Variants in RANBP2 observed in about 807,000 individuals in gnomAD.
RANBP2 encodes RAN binding protein 2.
Under a neutral mutation model 303.6 loss-of-function variants are expected in RANBP2, and 57 were observed. That is an observed-to-expected ratio of 0.19 (90% CI 0.15 to 0.23). RANBP2 has a LOEUF of 0.23. Ranked by LOEUF, RANBP2 falls within the 10% of genes least tolerant of loss-of-function variation. The probability of loss-of-function intolerance (pLI) is 1.00; values close to 1 mark genes in which losing one functional copy is unlikely to be tolerated. For missense variants in RANBP2, 3,138 were observed against 3,780.8 expected, an observed-to-expected ratio of 0.83 and a Z score of 4.46; for synonymous variants, 1,167 against 1,301.5, an observed-to-expected ratio of 0.90 and a Z score of 2.23.
chr2:109,392,063 G>T, the RANBP2 span, among the ~76,000 whole-genome samples: 1 of 152,126 alleles, frequency 6.6e-6, no homozygotes, highest in Non-Finnish European at 1.5e-5. Flanking sequence ...CAGTCAGCCT[G>T]CCTCGGCCTC....
chr2:109,400,889 GT>G, the RANBP2 span, among the ~76,000 whole-genome samples: 1 of 152,238 alleles, frequency 6.6e-6, no homozygotes, highest in Non-Finnish European at 1.5e-5. Context: ...GGGGCTGCTA[GT>G]GCATTTTCTG....
chr2:108,856,892 T>C, the RANBP2 span: 14 of 1,613,294 alleles, frequency 8.7e-6, no homozygotes, highest in Non-Finnish European at 1.1e-5. Context: ...TCCAGTAATA[T>C]TAAGTCATCT....
the RANBP2 span, among the ~76,000 whole-genome samples, chr2:109,237,413 G>A: frequency 6.6e-6 from 1 of 152,178 alleles, no homozygotes; most frequent in African/African-American, 2.4e-5. Context: ...GTCTTAACAA[G>A]TCTATGGAGA....
the RANBP2 span, among the ~76,000 whole-genome samples, chr2:108,977,128 C>A: frequency 6.6e-6 from 1 of 152,156 alleles, no homozygotes; most frequent in Admixed American, 6.5e-5. Flanking sequence ...GTGGCCCCCA[C>A]TGGCCCGGGC....
In RANBP2 at chr2:108,748,995, G is replaced by A. The variant is rs775309139; in HGVS notation, c.1139G>A (p.Ser380Asn). The change falls in exon 9 of 29, where the codon AGC becomes AAC. Residue 380 changes from serine (S) to asparagine (N), a missense_variant. This residue lies in a region of RANBP2 where 95 missense variants were observed against 86.4 expected (regional missense o/e 1.10). Transcript: ENST00000283195. The part of the protein sequence containing the change: ...KEIVETFANK[S>N]GQSALYDALF... Reference sequence around the variant, plus strand: ...ATTGTTGAAACTTTTGCCAACAAAAGCGGGCAGTCTGCATTATATGATGCT... The same window carrying A: ...ATTGTTGAAACTTTTGCCAACAAAAACGGGCAGTCTGCATTATATGATGCT... 1 of 1,611,924 alleles carries A rather than the reference G, an allele frequency of 6.2e-7. No homozygotes were observed. The highest frequency in any genetic ancestry group is 8.5e-7 in the Non-Finnish European group (1 of 1,179,838).
chr2:109,292,143 G>T, the RANBP2 span, among the ~76,000 whole-genome samples: 1 of 152,208 alleles, frequency 6.6e-6, no homozygotes, highest in African/African-American at 2.4e-5. Flanking sequence ...GATTACAGGC[G>T]TGAGCTACCG....
At position 108,777,248 on chromosome 2, in the gene RANBP2, A is replaced by G. The variant is rs764632519; in HGVS notation, c.8599+17A>G. On this transcript the variant is annotated intron_variant, in intron 25 of 28. Coordinates refer to ENST00000283195, the MANE Select transcript of RANBP2 (RefSeq NM_006267.5). Reference sequence around the variant, plus strand: ...GTTCTAAAGGTAAGATCAAGAGGAGAGACTTTTAATGACATTGTTACAGAA... The same window carrying G: ...GTTCTAAAGGTAAGATCAAGAGGAGGGACTTTTAATGACATTGTTACAGAA... 2 of 1,601,208 alleles carry G rather than the reference A, an allele frequency of 1.2e-6. No individual in the cohort carries two copies. The highest frequency in any genetic ancestry group is 1.7e-6 in the Non-Finnish European group (2 of 1,168,718).
chr2:109,578,874 A>G, the RANBP2 span, among the ~76,000 whole-genome samples: 1 of 152,232 alleles, frequency 6.6e-6, no homozygotes. Flanking sequence ...TACTAAATGC[A>G]TAAGGCTGAA....
At chr2:108,798,513 G>A in the RANBP2 span, 3 of 1,613,746 alleles carry the variant, frequency 1.9e-6, no homozygotes. Flanking sequence ...CTGCTTTTCA[G>A]ACATGAAAAT....
the RANBP2 span, among the ~76,000 whole-genome samples, chr2:109,701,220 G>A: frequency 6.6e-5 from 10 of 152,148 alleles, no homozygotes; most frequent in South Asian, 2.1e-4. Context: ...AAGGCAAGTC[G>A]GAAAAAAACA....
chr2:109,558,731 G>C, the RANBP2 span, among the ~76,000 whole-genome samples: 1 of 152,094 alleles, frequency 6.6e-6, no homozygotes, highest in African/African-American at 2.4e-5. Flanking sequence ...AACAAAGAGG[G>C]CCAGGAAGTA....
the RANBP2 span, among the ~76,000 whole-genome samples, chr2:108,963,935 C>T: frequency 3.3e-5 from 5 of 152,186 alleles, no homozygotes; most frequent in Non-Finnish European, 5.9e-5. Flanking sequence ...GAGCATGGGC[C>T]AATCCTGGAC....
chr2:109,404,916 C>G, the RANBP2 span, among the ~76,000 whole-genome samples: 1 of 152,106 alleles, frequency 6.6e-6, no homozygotes, highest in Non-Finnish European at 1.5e-5. Context: ...CTGAACCTGT[C>G]CCCTTTGATC....
the RANBP2 span, among the ~76,000 whole-genome samples, chr2:109,660,522 C>T: frequency 7.9e-5 from 12 of 152,190 alleles, no homozygotes; most frequent in African/African-American, 2.9e-4. Flanking sequence ...GACTCATAGT[C>T]AAGACCCTCC....
rs145394668 is a variant in RANBP2 at position 108,726,200 on chromosome 2, A to G, written c.73-2932A>G. On this transcript the variant is annotated intron_variant, in intron 1 of 28. Transcript: ENST00000283195. ...CACGGCCTCCTGCTCCGTCCTACCT[A>G]GGACACAAGTCATCCCTTTGTCCGA... Among the ~76,000 whole-genome samples, 366 of 152,308 alleles carry G rather than the reference A, an allele frequency of 2.4e-3. 18 individuals are homozygous for G. In the East Asian group the frequency reaches 0.056, roughly 23 times the overall value.
chr2:109,041,646 C>T, the RANBP2 span, among the ~76,000 whole-genome samples: 16 of 149,454 alleles, frequency 1.1e-4, no homozygotes, highest in Non-Finnish European at 1.8e-4. Context: ...CTCAGCCTCC[C>T]GAGGAGCTCG....
the RANBP2 span, among the ~76,000 whole-genome samples, chr2:109,181,399 T>C: frequency 2.0e-5 from 3 of 152,222 alleles, no homozygotes; most frequent in Admixed American, 2.0e-4. Flanking sequence ...TCACGTCTTT[T>C]TTCTGTTCCA....
the RANBP2 span, among the ~76,000 whole-genome samples, chr2:109,498,415 G>A: frequency 1.3e-5 from 2 of 152,174 alleles, no homozygotes; most frequent in Non-Finnish European, 2.9e-5. Context: ...CCCAGGGGCT[G>A]TGCACTCCAT....
At chr2:109,560,388 G>A in the RANBP2 span, among the ~76,000 whole-genome samples, 1 of 152,098 alleles carries the variant, frequency 6.6e-6, no homozygotes, top group South Asian at 2.1e-4. Flanking sequence ...ACGTGACACT[G>A]CTGGTTTTCC....
Sources: gnomAD v4.1 joint callset for allele counts (sites outside exome capture counted in the v4.1 genomes callset) on GRCh38, gnomAD v4.1.1 for gene constraint, gnomAD v4.1.1 regional missense constraint, MANE v1.5 for transcripts, NCBI Gene and HGNC (gene_info 2026-07-23, HGNC 2026-07-21) for gene names.